The following LPO variants were observed in gnomAD, a reference collection of about 807,000 sequenced individuals.
LPO encodes lactoperoxidase.
Under a neutral mutation model 68.4 loss-of-function variants are expected in LPO, and 70 were observed. The observed-to-expected ratio is 1.02, with a 90% CI of 0.84 to 1.25. The LOEUF (loss-of-function observed/expected upper bound fraction) is 1.25. Among genes scored for constraint, LPO ranks in the 50% most tolerant of loss-of-function variants. LPO has a pLI of 0.00. For synonymous variants in LPO, 360 were observed against 357.6 expected, an observed-to-expected ratio of 1.01 and a Z score of -0.08; for missense variants, 873 against 908.4, an observed-to-expected ratio of 0.96 and a Z score of 0.50.
Position 58,252,254 on chromosome 17 carries a change from C to T in LPO, c.853C>T (p.Pro285Ser), listed in dbSNP as rs763559672. 1.5e-5 allele frequency: 24 copies of T among 1,614,042 alleles called. No homozygotes were observed. Among genetic ancestry groups the T allele is most frequent in the Middle Eastern group, 1.6e-4 (1 of 6,084 alleles). ...TTTCTTCCGAGCTGGGTTCGTCTGC[C>T]CCACTCCACCCTACAAGTCCCTGGC... ...MPFFRAGFVC[P>S]TPPYKSLARE... Residue 285 changes from proline to serine, a missense_variant, in exon 8 of 13, where the codon CCC becomes TCC. Physicochemically the swap from Pro to Ser is moderately conservative, Grantham distance 74. Coordinates refer to ENST00000262290, the MANE Select transcript of LPO (RefSeq NM_006151.3).
rs765082484 is a variant in LPO, at chr17:58,255,000, G to A, written c.1266+29G>A. On this transcript the variant is annotated intron_variant, in intron 9 of 12. Transcript: ENST00000262290. ...GGGAGTCCCAGGAGCACTGTCACCT[G>A]GTCCCACCTGGCTCCCACTCCTGGC... is the stretch of plus-strand genomic sequence containing the variant. 3.1e-6 allele frequency: 5 copies of A among 1,607,158 alleles called. No homozygotes were observed. In the South Asian group the frequency reaches 4.4e-5, roughly 14 times the overall value.
chr17:58,243,930 C>A, intron 2 of LPO, 64 bp from the exon 3 acceptor site: 1 of 1,069,808 alleles, frequency 9.3e-7, no homozygotes, highest in Non-Finnish European at 1.5e-6. Flanking sequence ...GAGACAAAAG[C>A]AGAAGACATC....
chr17:58,249,534 C>A (rs771133529), intron 5 of LPO, 32 bp from the exon 6 acceptor site: 2 of 1,596,948 alleles, frequency 1.3e-6, no homozygotes, highest in East Asian at 2.3e-5. Context: ...AGCCGGCCTG[C>A]CGAAGCTCAG....
At chr17:58,255,250 G>A (rs1970049138) in intron 9 of LPO, among the ~76,000 whole-genome samples, 1 of 152,178 alleles carries the variant, frequency 6.6e-6, no homozygotes, top group South Asian at 2.1e-4. Context: ...CCATTACTGG[G>A]ACTGTAGGCT....
chr17:58,250,444 C>T lies in LPO; in HGVS notation c.603C>T (p.Gly201=). The T allele has an allele frequency of 6.2e-7, 1 of 1,614,192 alleles. No individual in the cohort carries two copies. Among genetic ancestry groups the T allele is most frequent in the Non-Finnish European group, 8.5e-7 (1 of 1,180,030 alleles). ...LAREVSNKIV[G]YLNEEGVLDQ... ...GGGAGGTATCTAACAAGATTGTTGG[C>T]TATCTGAATGAGGAGGGTGTTCTGG... The change falls in exon 7 of 13, where the codon GGC becomes GGT. Residue 201 remains glycine (G), a synonymous_variant. Transcript: ENST00000262290.
intron 7 of LPO, 112 bp downstream of exon 7, chr17:58,250,733 T>C (rs1478410177): frequency 9.2e-7 from 1 of 1,087,742 alleles, no homozygotes; most frequent in African/African-American, 1.6e-5. Flanking sequence ...ACTGATTTGG[T>C]AGTTTCCCAT....
At position 58,266,240 on chromosome 17, in the gene LPO, A is replaced by G. The variant is rs1359984811; in HGVS notation, c.1607A>G (p.Asn536Ser). 1.9e-6 allele frequency: 3 copies of G among 1,614,032 alleles called. No individual in the cohort carries two copies. Among genetic ancestry groups the G allele is most frequent in the African/African-American group, 1.3e-5 (1 of 74,928 alleles). Residue 536 changes from asparagine (N) to serine (S), a missense_variant, in exon 11 of 13, where the codon AAC (asparagine) becomes AGC (serine). Coordinates refer to ENST00000262290, the MANE Select transcript of LPO (RefSeq NM_006151.3). ...QNKMMTGELR[N>S]KLFQPTHRIH... The stretch of plus-strand genomic sequence containing the variant: ...AAAATGATGACTGGAGAGCTGCGCA[A>G]CAAGCTTTTCCAGCCAACTCACAGG...
At chr17:58,250,647 T>G in intron 7 of LPO, 26 bp downstream of exon 7, 25 of 1,606,408 alleles carry the variant, frequency 1.6e-5, no homozygotes, top group Non-Finnish European at 2.0e-5. Flanking sequence ...TAGGCATCTC[T>G]GACTAGCCCC....
At chr17:58,243,836 C>A in intron 2 of LPO, 158 bp from the exon 3 acceptor site, 3 of 619,606 alleles carry the variant, frequency 4.8e-6, no homozygotes, top group Non-Finnish European at 8.8e-6. Context: ...GCTTTTTCCC[C>A]TTAAGGACTC....
intron 5 of LPO, 168 bp from the exon 6 acceptor site, chr17:58,249,398 G>A (rs8178331): frequency 0.062 from 68,385 of 1,110,758 alleles, 2,503 homozygotes; most frequent in South Asian, 0.075. Flanking sequence ...GGGCGGGGGA[G>A]CCCCGCGCCT....
At chr17:58,256,684 TGCGCCTGTAGTCCCA>T (rs1776327179) in intron 9 of LPO, among the ~76,000 whole-genome samples, 1 of 151,712 alleles carries the variant, frequency 6.6e-6, no homozygotes, top group Non-Finnish European at 1.5e-5. Flanking sequence ...TGTGGTGGCA[TGCGCCTGTAGTCCCA>T]GCTACTCGGG....
intron 3 of LPO, among the ~76,000 whole-genome samples, chr17:58,244,971 C>G (rs1969826941): frequency 6.6e-6 from 1 of 151,364 alleles, no homozygotes; most frequent in Non-Finnish European, 1.5e-5. Flanking sequence ...AAAAAGTAAC[C>G]TTATTCTTTC....
Position 58,244,344 on chromosome 17 carries a change from C to T in LPO, c.164+263C>T, listed in dbSNP as rs140560663. 108 of 470,842 alleles carry T rather than the reference C, an allele frequency of 2.3e-4. 1 individual carries two copies. Among genetic ancestry groups the T allele is most frequent in the African/African-American group, 1.9e-3 (96 of 50,838 alleles). 29.2% of individuals were successfully genotyped at this position (470,842 alleles called of 1,614,324 possible). ...CTAACCCTAGAAGGACTTTCTTCCA[C>T]GTGGCCCAATGTTTCCTTGGGCCAT... On this transcript the variant is annotated intron_variant, in intron 3 of 12. Transcript: ENST00000262290.
intron 6 of LPO, 60 bp from the exon 7 acceptor site, chr17:58,250,355 T>A: frequency 7.5e-7 from 1 of 1,340,642 alleles, no homozygotes; most frequent in African/African-American, 1.4e-5. Context: ...TGTAGTTGCA[T>A]CTGAATCCTC....
chr17:58,240,860 A>C (rs568047786), intron 1 of LPO, among the ~76,000 whole-genome samples: 1 of 152,314 alleles, frequency 6.6e-6, no homozygotes, highest in East Asian at 1.9e-4. Flanking sequence ...TTCAAAGAAC[A>C]ATATAATGAA....
At chr17:58,264,509 A>G (rs894824478) in intron 9 of LPO, among the ~76,000 whole-genome samples, 7 of 152,246 alleles carry the variant, frequency 4.6e-5, no homozygotes, top group African/African-American at 1.4e-4. Flanking sequence ...CTATGTTGAG[A>G]CAAATCGTAA....
At chr17:58,252,083 G>A in intron 7 of LPO, 99 bp from the exon 8 acceptor site, 1 of 1,060,644 alleles carries the variant, frequency 9.4e-7, no homozygotes, top group South Asian at 1.4e-5. Context: ...CTAGGAGGGT[G>A]CCATCAGCAT....
Position 58,254,820 on chromosome 17 carries a change from G to C in LPO, c.1115G>C (p.Arg372Pro), listed in dbSNP as rs762260514. The C allele has an allele frequency of 1.2e-6, 2 of 1,613,856 alleles. No individual in the cohort carries two copies. The highest frequency in any genetic ancestry group is 1.7e-6 in the Non-Finnish European group (2 of 1,179,894). ...RVPCFLAGDS[R>P]ASEHILLATS... ...CCTTCTGGGCTTTCAGGAGATTCTCGAGCCTCAGAGCATATTCTGCTGGCC... is the reference window on the plus strand; with the variant it reads ...CCTTCTGGGCTTTCAGGAGATTCTCCAGCCTCAGAGCATATTCTGCTGGCC... Residue 372 changes from arginine (R) to proline (P), a missense_variant, in exon 9 of 13, where the codon CGA becomes CCA. Physicochemically the swap from Arg to Pro is moderately radical, Grantham distance 103. Transcript: ENST00000262290.
chr17:58,253,066 GAAAAGA>G (rs1435261133), intron 8 of LPO, among the ~76,000 whole-genome samples: 1 of 110,092 alleles, frequency 9.1e-6, no homozygotes, highest in African/African-American at 3.4e-5. Context: ...AGAAAGAAAA[GAAAAGA>G]AAAAGAAAAT....
Sources: gnomAD v4.1 joint callset for allele counts (sites outside exome capture counted in the v4.1 genomes callset) on GRCh38, gnomAD v4.1.1 for gene constraint, MANE v1.5 for transcripts, NCBI Gene and HGNC (gene_info 2026-07-23, HGNC 2026-07-21) for gene names.